NT5E: variants seen among roughly 807,000 people sequenced by gnomAD.
NT5E encodes 5'-nucleotidase ecto, also known as 5'-nucleotidase.
A neutral mutation model predicts 55.1 loss-of-function variants in NT5E; 53 were observed. The observed-to-expected ratio is 0.96, with a 90% CI of 0.77 to 1.21. NT5E has a LOEUF of 1.21. Ranked by LOEUF, NT5E falls within the 50% of genes most tolerant of loss-of-function variation. The pLI is 0.00. For synonymous variants in NT5E, 270 were observed against 278.4 expected, an observed-to-expected ratio of 0.97 and a Z score of 0.30; for missense variants, 683 against 724.3, an observed-to-expected ratio of 0.94 and a Z score of 0.65.
At chr6:85,483,111 AC>A (rs1346611111) in intron 3 of NT5E, among the ~76,000 whole-genome samples, 5 of 152,326 alleles carry the variant, frequency 3.3e-5, no homozygotes, top group African/African-American at 1.2e-4. Context: ...TGGATTCCTA[AC>A]TTTTACATTC....
chr6:85,467,030 A>G (rs776095548), intron 1 of NT5E, 30 bp from the exon 2 acceptor site: 3 of 1,585,344 alleles, frequency 1.9e-6, no homozygotes, highest in Non-Finnish European at 1.7e-6. Context: ...TAAAGCACCT[A>G]ATTCTTTTTC....
chr6:85,474,789 C>T (rs1002086425), intron 3 of NT5E, among the ~76,000 whole-genome samples: 2 of 152,036 alleles, frequency 1.3e-5, no homozygotes, highest in Non-Finnish European at 2.9e-5. Flanking sequence ...TAAAAATTAG[C>T]CAAGTGTAGG....
rs963377823 is a variant in NT5E, at chr6:85,487,818, T to C, written c.1104+329T>C. Among the ~76,000 whole-genome samples the C allele has an allele frequency of 4.6e-5, 7 of 152,212 alleles. No homozygotes were observed. The East Asian group carries it at 1.3e-3, about 29-fold the overall frequency. Reference sequence around the variant, plus strand: ...TAAACAAAAGCCTGATGTAGCTTCATACTCAGTACCTTCTTAAGGTGCTGG... The same window carrying C: ...TAAACAAAAGCCTGATGTAGCTTCACACTCAGTACCTTCTTAAGGTGCTGG... On this transcript the variant is annotated intron_variant, in intron 5 of 8. Coordinates refer to ENST00000257770, the MANE Select transcript of NT5E (RefSeq NM_002526.4).
In NT5E at chr6:85,450,485, C is replaced by T. The variant is rs1409223116; in HGVS notation, c.339+7C>T. On this transcript the variant is annotated splice_region_variant and intron_variant, in intron 1 of 8. Coordinates refer to ENST00000257770, the MANE Select transcript of NT5E (RefSeq NM_002526.4). This position sits in a 1 kb window ranked among gnomAD's most constrained non-coding sequence, Gnocchi z 4.0. ...CCTGCGCTACGATGCCATGGTAAGA[C>T]CCGAGCCCGCGCCCGGGATAGTAGT... 2 of 1,580,300 alleles carry T rather than the reference C, an allele frequency of 1.3e-6. No individual in the cohort carries two copies. Among genetic ancestry groups the T allele is most frequent in the South Asian group, 2.3e-5 (2 of 86,164 alleles).
intron 2 of NT5E, among the ~76,000 whole-genome samples, chr6:85,467,601 C>G (rs2127720439): frequency 6.6e-6 from 1 of 152,228 alleles, no homozygotes; most frequent in African/African-American, 2.4e-5. Flanking sequence ...AGAATGAGAG[C>G]CTCAAAACTC....
rs1490112228 is a variant in NT5E, at chr6:85,450,210, C to T, written c.71C>T (p.Ala24Val). ...CTGGGCGCGGTGCTGTGGCCTGCGG[C>T]TGGCGCCTGGGAGCTTACGATTTTG... The part of the protein sequence containing the change: ...LALGAVLWPA[A>V]GAWELTILHT... Residue 24 changes from alanine to valine, a missense_variant, in exon 1 of 9, where the codon GCT (alanine) becomes GTT (valine). Physicochemically the swap from Ala to Val is moderately conservative, Grantham distance 64. Transcript: ENST00000257770. The surrounding 1 kb of genome is among the most constrained non-coding windows in gnomAD (Gnocchi z 4.0). The T allele has an allele frequency of 1.2e-6, 2 of 1,608,902 alleles. No individual in the cohort carries two copies. The highest frequency in any genetic ancestry group is 3.3e-5 in the Admixed American group (2 of 59,710).
In NT5E at chr6:85,490,738, A is replaced by G. The variant is rs192536058; in HGVS notation, c.1360+81A>G. The G allele has an allele frequency of 2.5e-3, 3,762 of 1,520,426 alleles. 102 individuals are homozygous for G. Among genetic ancestry groups the G allele is most frequent in the Non-Finnish European group, 3.1e-4 (341 of 1,103,914 alleles). The allele number at this position is 1,520,426 out of a possible 1,614,324, so 94.2% of individuals were successfully genotyped here. On this transcript the variant is annotated intron_variant, in intron 7 of 8. Transcript: ENST00000257770. ...TGGTTGGCTCAGCTTCCCCTTCACC[A>G]AAATTCCTGTGGTCAAACTGGTTTG...
intron 6 of NT5E, 80 bp from the exon 7 acceptor site, chr6:85,490,428 C>A: frequency 6.6e-7 from 1 of 1,510,388 alleles, no homozygotes; most frequent in Non-Finnish European, 9.2e-7. Context: ...TTTCTTCCCC[C>A]AGCGCTGAGG....
Position 85,470,558 on chromosome 6 carries a change from C to T in NT5E, c.563-679C>T, listed in dbSNP as rs1346806793. ...CTCCGCCTGGCAGGTTCAAGACATT[C>T]TCCTGCCTCAGCCTTCCAAGTACCT... is the stretch of plus-strand genomic sequence containing the variant. On this transcript the variant is annotated intron_variant, in intron 2 of 8. Transcript: ENST00000257770. Among the ~76,000 whole-genome samples, 4 of 152,214 alleles carry T rather than the reference C, an allele frequency of 2.6e-5. No homozygotes were observed. The East Asian group carries it at 5.8e-4, about 22-fold the overall frequency.
Position 85,487,337 on chromosome 6 carries a change from C to G in NT5E, c.952C>G (p.Pro318Ala). 1 of 1,612,842 alleles carries G rather than the reference C, an allele frequency of 6.2e-7. No homozygotes were observed. The highest frequency in any genetic ancestry group is 8.5e-7 in the Non-Finnish European group (1 of 1,178,892). Residue 318 changes from proline (P) to alanine (A), a missense_variant and splice_region_variant, in exon 5 of 9, where the codon CCA becomes GCA. Pro to Ala is a conservative substitution (Grantham distance 27). Transcript: ENST00000257770. ...GTACCTTCTTTTCTTTCTTCTAGAT[C>G]CAAGCATAAAAGCAGACATTAACAA... ...ILLNSSIPED[P>A]SIKADINKWR...
chr6:85,488,357 G>A (rs879637795), intron 5 of NT5E, among the ~76,000 whole-genome samples: 4 of 152,144 alleles, frequency 2.6e-5, no homozygotes, highest in Admixed American at 6.5e-5. Context: ...AATGTTTGCC[G>A]TGTAAATGAC....
intron 3 of NT5E, among the ~76,000 whole-genome samples, chr6:85,483,880 A>C (rs1464652338): frequency 6.6e-5 from 10 of 152,160 alleles, no homozygotes. Flanking sequence ...AAAAAAATAC[A>C]TGGTAGGCTT....
In NT5E at chr6:85,490,646, T is replaced by C; in HGVS notation, c.1349T>C (p.Leu450Pro). Residue 450 changes from leucine to proline, a missense_variant, in exon 7 of 9, where the codon CTG becomes CCG. Transcript: ENST00000257770. ...HRYGQSTGEF[L>P]QVGGIHVVYD... Reference sequence around the variant, plus strand: ...TACGGCCAGTCCACTGGAGAGTTCCTGCAGGTGGGCGGTAAGTCACCCATC... The same window carrying C: ...TACGGCCAGTCCACTGGAGAGTTCCCGCAGGTGGGCGGTAAGTCACCCATC... The C allele has an allele frequency of 1.2e-6, 2 of 1,614,086 alleles. No homozygotes were observed. The highest frequency in any genetic ancestry group is 1.1e-5 in the South Asian group (1 of 91,082).
intron 4 of NT5E, 86 bp from the exon 5 acceptor site, chr6:85,487,249 G>A (rs562867630): frequency 1.2e-5 from 15 of 1,228,786 alleles, no homozygotes; most frequent in East Asian, 9.3e-5. Context: ...CTCACAGCAA[G>A]TAAGATAGAT....
At chr6:85,492,650 C>T (rs1312728661) in intron 8 of NT5E, among the ~76,000 whole-genome samples, 1 of 152,124 alleles carries the variant, frequency 6.6e-6, no homozygotes, top group Non-Finnish European at 1.5e-5. Context: ...TAGGAATAAC[C>T]ATACTTGATG....
intron 3 of NT5E, among the ~76,000 whole-genome samples, chr6:85,474,754 C>A (rs1005338687): frequency 2.6e-5 from 4 of 151,320 alleles, no homozygotes; most frequent in African/African-American, 9.7e-5. Context: ...GATAGGGAGA[C>A]CCCCATATCT....
intron 4 of NT5E, among the ~76,000 whole-genome samples, chr6:85,486,479 A>G (rs1769665610): frequency 6.6e-6 from 1 of 151,996 alleles, no homozygotes; most frequent in Non-Finnish European, 1.5e-5. Flanking sequence ...TATCTTATCC[A>G]TATGGACAGG....
chr6:85,450,084 C>G lies in NT5E; in HGVS notation c.-56C>G, dbSNP rs1022770273. The stretch of plus-strand genomic sequence containing the variant: ...CCCCGGCCCTAGCTGCTCGCCCCTA[C>G]TCGCCGGCACTCGCCCGGCTCGCCC... On this transcript the variant is annotated 5_prime_UTR_variant, in exon 1 of 9. Coordinates refer to ENST00000257770, the MANE Select transcript of NT5E (RefSeq NM_002526.4). This position sits in a 1 kb window ranked among gnomAD's most constrained non-coding sequence, Gnocchi z 4.0. The G allele has an allele frequency of 2.6e-5, 37 of 1,435,906 alleles. 1 individual carries two copies. Among genetic ancestry groups the G allele is most frequent in the South Asian group, 2.4e-4 (19 of 80,766 alleles). 88.9% of individuals were successfully genotyped at this position (1,435,906 alleles called of 1,614,324 possible). A position where few individuals can be genotyped will look rare whatever the true frequency, so the allele number is the denominator to read the frequency against.
chr6:85,483,658 G>T (rs1207268762), intron 3 of NT5E, among the ~76,000 whole-genome samples: 1 of 152,154 alleles, frequency 6.6e-6, no homozygotes, highest in African/African-American at 2.4e-5. Flanking sequence ...GTTGGTATTT[G>T]CAGTGCTTCT....
Sources: gnomAD v4.1 joint callset for allele counts (sites outside exome capture counted in the v4.1 genomes callset) on GRCh38, gnomAD v4.1.1 for gene constraint, Gnocchi (gnomAD v3.1) non-coding constraint, MANE v1.5 for transcripts, NCBI Gene and HGNC (gene_info 2026-07-23, HGNC 2026-07-21) for gene names.